Variants in DPY19L4 observed in about 807,000 individuals in gnomAD.
DPY19L4 encodes dpy-19 like 4, also known as probable C-mannosyltransferase DPY19L4.
DPY19L4 carries 97 observed loss-of-function variants against 102.8 expected under a neutral mutation model. That is an observed-to-expected ratio of 0.94 (90% CI 0.80 to 1.12). The LOEUF is 1.12. Ranked by LOEUF, DPY19L4 falls within the 50% of genes most tolerant of loss-of-function variation. The pLI is 0.00. For synonymous variants in DPY19L4, 252 were observed against 283.1 expected (o/e 0.89, Z 1.10); for missense variants, 815 against 850.4 (o/e 0.96, Z 0.52).
intron 18 of DPY19L4, among the ~76,000 whole-genome samples, 167 bp from the exon 19 acceptor site, chr8:94,789,579 T>TG (rs1192154786): frequency 6.6e-6 from 1 of 152,308 alleles, no homozygotes; most frequent in East Asian, 1.9e-4. Context: ...GTGGGCATGG[T>TG]GACTCACTTA....
intron 15 of DPY19L4, 96 bp downstream of exon 15, chr8:94,780,511 A>G: frequency 1.3e-6 from 1 of 757,822 alleles, no homozygotes; most frequent in Middle Eastern, 4.2e-4. Context: ...TTGAGACACT[A>G]TCCTAACAAA....
chr8:94,775,829 A>C (rs1313987786), intron 13 of DPY19L4, among the ~76,000 whole-genome samples: 3 of 152,046 alleles, frequency 2.0e-5, no homozygotes, highest in African/African-American at 7.2e-5. Flanking sequence ...GATAATCTAT[A>C]CTAAGCACTG....
intron 13 of DPY19L4, among the ~76,000 whole-genome samples, chr8:94,773,057 C>A (rs891284938): frequency 6.6e-6 from 1 of 151,460 alleles, no homozygotes; most frequent in Non-Finnish European, 1.5e-5. Context: ...ATTAAAAATA[C>A]AAAAAAATTA....
At chr8:94,768,370 A>G in intron 11 of DPY19L4, 25 bp from the exon 12 acceptor site, 1 of 1,565,498 alleles carries the variant, frequency 6.4e-7, no homozygotes, top group Non-Finnish European at 8.6e-7. Flanking sequence ...TATGAATTTA[A>G]TATCATACTT....
chr8:94,749,100 T>C (rs188094714), intron 6 of DPY19L4, among the ~76,000 whole-genome samples: 7 of 152,076 alleles, frequency 4.6e-5, no homozygotes, highest in Non-Finnish European at 7.4e-5. Context: ...GTGAGACTTA[T>C]TCACTATCAC....
At position 94,744,752 on chromosome 8, in the gene DPY19L4, GAAATA is replaced by G. The variant is rs368464251; in HGVS notation, c.611+4970_611+4974del. On this transcript the variant is annotated intron_variant, in intron 6 of 18. Transcript: ENST00000414645. ...TTAGAGATCTTAGTGAGAATTGTAA[GAAATA>G]AAATAAACAGAAGTCTGACTGCCTT... 1.1e-3 allele frequency: 396 copies of G among 344,616 alleles called. 3 individuals carry two copies. Among genetic ancestry groups the G allele is most frequent in the African/African-American group, 7.4e-3 (348 of 46,740 alleles). The allele number at this position is 344,616 out of a possible 1,614,324, so 21.3% of individuals were successfully genotyped here. A position where few individuals can be genotyped will look rare whatever the true frequency, so the allele number is the denominator to read the frequency against.
chr8:94,722,585 G>A (rs1023530397), intron 1 of DPY19L4, among the ~76,000 whole-genome samples: 15 of 152,010 alleles, frequency 9.9e-5, no homozygotes, highest in African/African-American at 3.6e-4. Flanking sequence ...TAGATGCAAG[G>A]ATATAATAGT....
At chr8:94,728,564 C>T (rs548639530) in intron 2 of DPY19L4, among the ~76,000 whole-genome samples, 30 of 152,260 alleles carry the variant, frequency 2.0e-4, no homozygotes, top group Non-Finnish European at 3.5e-4. Flanking sequence ...AAGATAAAAG[C>T]TGTGGGTAAT....
rs897008364 is a variant in DPY19L4 at position 94,793,248 on chromosome 8, A to G, written c.*3338A>G. 2 of 152,342 alleles carry G rather than the reference A, an allele frequency of 1.3e-5. No individual in the cohort carries two copies. The allele number at this position is 152,342 out of a possible 1,614,324, so 9.4% of individuals were successfully genotyped here. On this transcript the variant is annotated 3_prime_UTR_variant, in exon 19 of 19. Transcript: ENST00000414645. The stretch of plus-strand genomic sequence containing the variant: ...AGTGTGTTATAAATTGAGACTGAAA[A>G]ACATGCTTTAAAAAATAGATTTAAT...
intron 9 of DPY19L4, 50 bp downstream of exon 9, chr8:94,765,364 A>C (rs1563602291): frequency 6.7e-7 from 1 of 1,486,904 alleles, no homozygotes; most frequent in Non-Finnish European, 9.1e-7. Context: ...TTTTTTTTTG[A>C]AGTGGAGTCT....
chr8:94,785,601 A>G (rs867815957), intron 17 of DPY19L4, among the ~76,000 whole-genome samples: 1 of 152,356 alleles, frequency 6.6e-6, no homozygotes, highest in Middle Eastern at 3.4e-3. Flanking sequence ...GTTAAGAGAC[A>G]TGACTTTTAG....
chr8:94,729,037 A>G (rs1022958968), intron 2 of DPY19L4, among the ~76,000 whole-genome samples: 1 of 151,788 alleles, frequency 6.6e-6, no homozygotes, highest in Non-Finnish European at 1.5e-5. Flanking sequence ...AAAAAAAAAG[A>G]AAAAGCTGTT....
chr8:94,787,916 G>A lies in DPY19L4; in HGVS notation c.1871G>A (p.Arg624Gln), dbSNP rs746667790. ...NENIYQIYSK[R>Q]SAEDIYKILT... ...CAGATCTACCAAATCTATTCAAAGC[G>A]ATCTGCTGAGGATATTTATAAAATA... is the stretch of plus-strand genomic sequence containing the variant. The change falls in exon 18 of 19, where the codon CGA becomes CAA. Residue 624 changes from arginine to glutamine, a missense_variant. Coordinates refer to ENST00000414645, the MANE Select transcript of DPY19L4 (RefSeq NM_181787.3). 1.1e-5 allele frequency: 15 copies of A among 1,416,102 alleles called. No homozygotes were observed. Among genetic ancestry groups the A allele is most frequent in the South Asian group, 5.6e-5 (3 of 53,906 alleles). 87.7% of individuals were successfully genotyped at this position (1,416,102 alleles called of 1,614,324 possible). A position where few individuals can be genotyped will look rare whatever the true frequency, so the allele number is the denominator to read the frequency against.
In DPY19L4 at chr8:94,780,714, C is replaced by T. The variant is rs6985405; in HGVS notation, c.1632+299C>T. On this transcript the variant is annotated intron_variant, in intron 15 of 18. Transcript: ENST00000414645. Reference sequence around the variant, plus strand: ...ATATTAAAACACGTTTTGGTAACTCCAAAACTTTATCATCTATGAAATGAT... The same window carrying T: ...ATATTAAAACACGTTTTGGTAACTCTAAAACTTTATCATCTATGAAATGAT... Among the ~76,000 whole-genome samples the T allele has an allele frequency of 4.2e-3, 634 of 152,004 alleles. 3 individuals carry two copies. Among genetic ancestry groups the T allele is most frequent in the African/African-American group, 0.015 (607 of 41,456 alleles).
intron 1 of DPY19L4, 175 bp downstream of exon 1, chr8:94,720,189 A>T (rs1810395951): frequency 1.0e-6 from 1 of 985,176 alleles, no homozygotes; most frequent in Non-Finnish European, 1.2e-6. Flanking sequence ...AATTCAGGAG[A>T]GCGGAGCAAA....
intron 6 of DPY19L4, among the ~76,000 whole-genome samples, chr8:94,740,542 C>T (rs1811398805): frequency 6.6e-6 from 1 of 152,088 alleles, no homozygotes; most frequent in African/African-American, 2.4e-5. Context: ...GCAAGCTCCA[C>T]CTCCCAGGTT....
In DPY19L4 at chr8:94,719,926, G is replaced by T; in HGVS notation, c.-73G>T. ...GGAGCGGGCCCCCGGAGGCCGAGGG[G>T]TTCGGCGACGCGGAGGGAGGGAGAG... On this transcript the variant is annotated 5_prime_UTR_variant, in exon 1 of 19. Coordinates refer to ENST00000414645, the MANE Select transcript of DPY19L4 (RefSeq NM_181787.3). 3.5e-6 allele frequency: 5 copies of T among 1,444,522 alleles called. No individual in the cohort carries two copies. Among genetic ancestry groups the T allele is most frequent in the Admixed American group, 2.6e-5 (1 of 37,942 alleles). The allele number at this position is 1,444,522 out of a possible 1,614,324, so 89.5% of individuals were successfully genotyped here. A position where few individuals can be genotyped will look rare whatever the true frequency, so the allele number is the denominator to read the frequency against.
At chr8:94,766,467 C>G (rs756975267) in intron 10 of DPY19L4, 145 bp from the exon 11 acceptor site, 47 of 647,370 alleles carry the variant, frequency 7.3e-5, no homozygotes, top group Non-Finnish European at 1.1e-4. Context: ...AGTAAATCTC[C>G]TTGCTTCATA....
intron 17 of DPY19L4, among the ~76,000 whole-genome samples, chr8:94,784,861 G>A (rs541914859): frequency 6.6e-6 from 1 of 152,162 alleles, no homozygotes; most frequent in Non-Finnish European, 1.5e-5. Context: ...TATTGACTCA[G>A]TATAACATTA....
Sources: allele counts gnomAD v4.1 joint callset (sites outside exome capture counted in the v4.1 genomes callset), GRCh38; gene constraint gnomAD v4.1.1; transcripts MANE v1.5; gene names NCBI Gene and HGNC (gene_info 2026-07-23, HGNC 2026-07-21).